The following FOCAD variants were observed in gnomAD, a reference collection of about 807,000 sequenced individuals.
FOCAD encodes KIAA1797.
A neutral mutation model predicts 225.6 loss-of-function variants in FOCAD; 198 were observed. That is an observed-to-expected ratio of 0.88 (90% CI 0.78 to 0.99). The LOEUF (loss-of-function observed/expected upper bound fraction) is 0.99. Among genes scored for constraint, FOCAD ranks in the 50% least tolerant of loss-of-function variants. The probability of loss-of-function intolerance (pLI) is 0.00; values close to 1 mark genes in which losing one functional copy is unlikely to be tolerated. For synonymous variants in FOCAD, 897 were observed against 755.0 expected, an observed-to-expected ratio of 1.19 and a Z score of -3.08; for missense variants, 2,713 against 2,123.6, an observed-to-expected ratio of 1.28 and a Z score of -5.46.
chr9:20,830,164 G>A (rs193035993), intron 15 of FOCAD, among the ~76,000 whole-genome samples: 2 of 152,042 alleles, frequency 1.3e-5, no homozygotes, highest in East Asian at 3.9e-4. Context: ...TTGTCATGTT[G>A]TGTTATTGGA....
At chr9:20,776,762 A>G (rs1478492938) in intron 8 of FOCAD, among the ~76,000 whole-genome samples, 1 of 152,214 alleles carries the variant, frequency 6.6e-6, no homozygotes, top group African/African-American at 2.4e-5. Context: ...CAATAATAGC[A>G]TTACTATACA....
At chr9:20,682,398 T>C (rs1376151565), upstream of FOCAD, among the ~76,000 whole-genome samples, 1 of 152,242 alleles carries the variant, frequency 6.6e-6, no homozygotes, top group African/African-American at 2.4e-5. Context: ...ATTCAAGTTT[T>C]GGCCTGGCCA....
intron 10 of FOCAD, among the ~76,000 whole-genome samples, chr9:20,782,258 A>G (rs1032974358): frequency 2.6e-5 from 4 of 152,208 alleles, no homozygotes; most frequent in African/African-American, 7.2e-5. Context: ...TTAAAATTAT[A>G]CTGTTAGTTA....
intron 1 of FOCAD, among the ~76,000 whole-genome samples, chr9:20,713,568 G>T (rs1825050376): frequency 6.6e-6 from 1 of 151,882 alleles, no homozygotes; most frequent in South Asian, 2.1e-4. Context: ...TGTATTATTT[G>T]TTTAAAAAAT....
At chr9:20,785,645 ACTTTC>A (rs1012459599) in intron 10 of FOCAD, among the ~76,000 whole-genome samples, 1 of 151,870 alleles carries the variant, frequency 6.6e-6, no homozygotes. Flanking sequence ...CTTACATTTT[ACTTTC>A]CTTTTCTTTT....
intron 10 of FOCAD, among the ~76,000 whole-genome samples, chr9:20,787,763 T>C (rs528968282): frequency 6.6e-6 from 1 of 152,268 alleles, no homozygotes; most frequent in East Asian, 1.9e-4. Context: ...CCACATACTT[T>C]TCTTTGCATG....
chr9:20,720,636 G>C, intron 4 of FOCAD, 102 bp downstream of exon 4: 1 of 1,170,014 alleles, frequency 8.5e-7, no homozygotes, highest in Non-Finnish European at 1.2e-6. Flanking sequence ...CTTGCCAGTT[G>C]TTTTTCTTGC....
intron 2 of FOCAD, among the ~76,000 whole-genome samples, chr9:20,662,154 G>C (rs544001284): frequency 6.6e-6 from 1 of 152,110 alleles, no homozygotes; most frequent in East Asian, 1.9e-4. Flanking sequence ...TTTAAATGTG[G>C]CTGTGTTGCT....
At chr9:20,659,343 G>A (rs1821627531) in intron 2 of FOCAD, among the ~76,000 whole-genome samples, 1 of 150,856 alleles carries the variant, frequency 6.6e-6, no homozygotes, top group African/African-American at 2.4e-5. Context: ...GGAGGAGGAG[G>A]TTGCAGTGAG....
chr9:20,988,533 A>G (rs1587797815), intron 41 of FOCAD, 104 bp downstream of exon 41: 1 of 225,476 alleles, frequency 4.4e-6, no homozygotes, highest in Non-Finnish European at 9.6e-6. Context: ...AAAAACTGCA[A>G]TTACTTTTGC....
chr9:20,915,158 T>C (rs1833766602), intron 23 of FOCAD, among the ~76,000 whole-genome samples: 2 of 152,164 alleles, frequency 1.3e-5, no homozygotes, highest in Admixed American at 1.3e-4. Context: ...AAGCAGGTTG[T>C]TGACTAGTCT....
At chr9:20,928,188 A>T (rs10811429) in intron 26 of FOCAD, among the ~76,000 whole-genome samples, 25,242 of 152,100 alleles carry the variant, frequency 0.17, 2,597 homozygotes, top group Non-Finnish European at 0.23. Flanking sequence ...TTGCAAACCA[A>T]TAAAAATAAT....
intron 31 of FOCAD, among the ~76,000 whole-genome samples, chr9:20,948,628 G>A (rs976827007): frequency 6.6e-6 from 1 of 152,024 alleles, no homozygotes; most frequent in Non-Finnish European, 1.5e-5. Context: ...ACAACATTTT[G>A]TTTTTTGAAA....
chr9:20,754,694 A>G (rs1285786752), intron 5 of FOCAD, among the ~76,000 whole-genome samples: 2 of 152,086 alleles, frequency 1.3e-5, no homozygotes, highest in Non-Finnish European at 2.9e-5. Context: ...TCTGGAGACA[A>G]TTTTGATTGT....
In FOCAD at chr9:20,866,917, T is replaced by TTTTTTACCAAAA; in HGVS notation, c.2107-12_2107-11insTTTTTACCAAAA. ...TTTTTTTTTTTTTTTTTTTTTTTTT[T>TTTTTTACCAAAA]ACCCTATCTAGGACCCAATTGTAGC... On this transcript the variant is annotated splice_polypyrimidine_tract_variant and intron_variant, in intron 17 of 43. Transcript: ENST00000338382. The TTTTTTACCAAAA allele has an allele frequency of 1.3e-6, 1 of 764,972 alleles. No individual in the cohort carries two copies. Among genetic ancestry groups the TTTTTTACCAAAA allele is most frequent in the Non-Finnish European group, 2.0e-6 (1 of 498,468 alleles). The allele number at this position is 764,972 out of a possible 1,614,324, so 47.4% of individuals were successfully genotyped here. A position where few individuals can be genotyped will look rare whatever the true frequency, so the allele number is the denominator to read the frequency against.
At chr9:20,754,979 G>A (rs1271788028) in intron 5 of FOCAD, among the ~76,000 whole-genome samples, 1 of 152,126 alleles carries the variant, frequency 6.6e-6, no homozygotes, top group Non-Finnish European at 1.5e-5. Context: ...GGAGAATTTA[G>A]CTGTTTGCTT....
intron 5 of FOCAD, among the ~76,000 whole-genome samples, chr9:20,751,235 G>T (rs1263259962): frequency 7.7e-5 from 11 of 143,130 alleles, no homozygotes; most frequent in South Asian, 2.3e-4. Context: ...ATGTATACCT[G>T]TGCCATGCTG....
chr9:20,929,986 A>G (rs1489192692), intron 27 of FOCAD, among the ~76,000 whole-genome samples: 1 of 152,214 alleles, frequency 6.6e-6, no homozygotes, highest in Non-Finnish European at 1.5e-5. Context: ...ATCATTGAAA[A>G]TGAGAGGAGA....
intron 5 of FOCAD, among the ~76,000 whole-genome samples, chr9:20,742,959 C>T (rs1303415195): frequency 1.3e-5 from 2 of 152,222 alleles, no homozygotes; most frequent in East Asian, 1.9e-4. Flanking sequence ...TGTGAATGGC[C>T]GTTTAGCACT....
Sources: gnomAD v4.1 joint callset for allele counts (sites outside exome capture counted in the v4.1 genomes callset) on GRCh38, gnomAD v4.1.1 for gene constraint, MANE v1.5 for transcripts, NCBI Gene and HGNC (gene_info 2026-07-23, HGNC 2026-07-21) for gene names.